The following NFIB variants were observed in gnomAD, a reference collection of about 807,000 sequenced individuals.
The protein encoded by NFIB is nuclear factor 1 B-type.
NFIB carries 11 observed loss-of-function variants against 61.5 expected under a neutral mutation model. The ratio of observed to expected loss-of-function variants is 0.18; its 90% CI spans 0.11 to 0.30. NFIB has a LOEUF of 0.30. Among genes scored for constraint, NFIB ranks in the 10% least tolerant of loss-of-function variants. NFIB has a pLI of 1.00. For missense variants in NFIB, 471 were observed against 608.9 expected (o/e 0.77, Z 2.38); for synonymous variants, 260 against 216.5 (o/e 1.20, Z -1.76).
chr9:14,322,387 T>A (rs535035030), intron 1 of NFIB: 1 of 236,796 alleles, frequency 4.2e-6, no homozygotes, highest in Admixed American at 5.6e-5. Flanking sequence ...GCTCCAGGAG[T>A]GGGGCTGCGC....
intron 1 of NFIB, among the ~76,000 whole-genome samples, chr9:14,320,743 G>A (rs997366421): frequency 2.6e-5 from 4 of 152,128 alleles, no homozygotes; most frequent in African/African-American, 9.7e-5. Flanking sequence ...ACATAAGCAT[G>A]CGTGTGTTAC....
intron 6 of NFIB, among the ~76,000 whole-genome samples, chr9:14,143,896 T>C (rs2042010083): frequency 6.6e-6 from 1 of 152,102 alleles, no homozygotes; most frequent in Admixed American, 6.6e-5. Context: ...AGTACTGTAC[T>C]GCCCGCATTT....
chr9:14,427,934 G>GTTTTTTTTTTTTTTTTTTTTTT, the NFIB span, among the ~76,000 whole-genome samples: 90 of 25,972 alleles, frequency 3.5e-3, 10 homozygotes, highest in Non-Finnish European at 6.2e-3. Flanking sequence ...CTTTAATTCA[G>GTTTTTTTTTTTTTTTTTTTTTT]TTGTTTTTTT....
intron 2 of NFIB, among the ~76,000 whole-genome samples, chr9:14,217,776 G>C (rs1406851959): frequency 6.6e-6 from 1 of 150,916 alleles, no homozygotes; most frequent in Non-Finnish European, 1.5e-5. Flanking sequence ...TCTCATTCAA[G>C]ATATTACTTC....
At chr9:14,259,746 C>CA (rs111280008) in intron 2 of NFIB, among the ~76,000 whole-genome samples, 4,698 of 150,898 alleles carry the variant, frequency 0.031, 255 homozygotes, top group African/African-American at 0.11. Flanking sequence ...ACTAAAAATA[C>CA]AAAAAAAAAT....
intron 1 of NFIB, among the ~76,000 whole-genome samples, chr9:14,338,774 C>T (rs7036460): frequency 0.9 from 136,601 of 151,960 alleles, 63,114 homozygotes; most frequent in Non-Finnish European, 1. Flanking sequence ...TTTCTCTTTC[C>T]TTTATGTTAT....
intron 2 of NFIB, among the ~76,000 whole-genome samples, chr9:14,293,297 C>T (rs769386671): frequency 2.6e-4 from 39 of 152,146 alleles, no homozygotes; most frequent in Non-Finnish European, 5.1e-4. Context: ...GGCACATGGT[C>T]GAAAATGGCT....
chr9:14,171,082 T>C (rs1254302171), intron 3 of NFIB, among the ~76,000 whole-genome samples: 1 of 152,194 alleles, frequency 6.6e-6, no homozygotes, highest in Non-Finnish European at 1.5e-5. Context: ...GAGAGTACTG[T>C]GTTGAAATTA....
intron 2 of NFIB, among the ~76,000 whole-genome samples, chr9:14,277,691 C>T (rs2058093814): frequency 1.3e-5 from 2 of 152,196 alleles, no homozygotes; most frequent in East Asian, 1.9e-4. Context: ...GCAGATAGAC[C>T]TAAAGTAAGG....
intron 3 of NFIB, among the ~76,000 whole-genome samples, chr9:14,158,258 G>A (rs1160557349): frequency 6.6e-6 from 1 of 151,958 alleles, no homozygotes; most frequent in East Asian, 1.9e-4. Context: ...TCTTCCTCCT[G>A]CAGCTCCCTG....
chr9:14,410,028 A>C, the NFIB span, among the ~76,000 whole-genome samples: 1 of 152,118 alleles, frequency 6.6e-6, no homozygotes, highest in Non-Finnish European at 1.5e-5. Context: ...TTTAACAGGA[A>C]TGTCTTTTAT....
the NFIB span, among the ~76,000 whole-genome samples, chr9:14,520,855 G>T: frequency 6.6e-6 from 1 of 152,212 alleles, no homozygotes; most frequent in Non-Finnish European, 1.5e-5. Flanking sequence ...ATGTATAAAT[G>T]ATGGAAGGCC....
Position 14,082,630 on chromosome 9 carries a change from T to G in NFIB, c.*5679A>C. The G allele has an allele frequency of 4.8e-6, 1 of 207,252 alleles. No individual in the cohort carries two copies. The highest frequency in any genetic ancestry group is 9.9e-6 in the Non-Finnish European group (1 of 101,416). 12.8% of individuals were successfully genotyped at this position (207,252 alleles called of 1,614,324 possible). A position where few individuals can be genotyped will look rare whatever the true frequency, so the allele number is the denominator to read the frequency against. ...AGAGACTGTGAAATTGAACAGGCAC[T>G]GCTCATTTGTTTGAGTTTTTTGGTA... On this transcript the variant is annotated 3_prime_UTR_variant, in exon 11 of 11. Transcript: ENST00000380953.
chr9:14,086,789 TTTTTG>T lies in NFIB; in HGVS notation c.*1515_*1519del, dbSNP rs2032932287. The T allele has an allele frequency of 4.8e-6, 1 of 206,520 alleles. No individual in the cohort carries two copies. Among genetic ancestry groups the T allele is most frequent in the Non-Finnish European group, 9.9e-6 (1 of 100,914 alleles). The allele number at this position is 206,520 out of a possible 1,614,324, so 12.8% of individuals were successfully genotyped here. The stretch of plus-strand genomic sequence containing the variant: ...TTTGTTGTATTTTTTTGTTTTTTTT[TTTTTG>T]TTTTTTGTTTTTTAGATTTCAAGGC... On this transcript the variant is annotated 3_prime_UTR_variant, in exon 11 of 11. Coordinates refer to ENST00000380953, the MANE Select transcript of NFIB (RefSeq NM_001190737.2).
At chr9:14,222,434 G>A (rs1587722127) in intron 2 of NFIB, among the ~76,000 whole-genome samples, 1 of 152,088 alleles carries the variant, frequency 6.6e-6, no homozygotes, top group Non-Finnish European at 1.5e-5. Context: ...CAAGCTCCAG[G>A]TAAACTGGTA....
chr9:14,096,107 G>A (rs1018132103), intron 10 of NFIB, among the ~76,000 whole-genome samples: 1 of 152,044 alleles, frequency 6.6e-6, no homozygotes, highest in Non-Finnish European at 1.5e-5. Flanking sequence ...AACCAAAAAG[G>A]TAAGCTAATA....
chr9:14,113,563 GTCTT>G (rs1205394559), intron 9 of NFIB, among the ~76,000 whole-genome samples: 8 of 152,314 alleles, frequency 5.3e-5, no homozygotes, highest in African/African-American at 1.4e-4. Flanking sequence ...GATGGAAAAT[GTCTT>G]TCTTAAAAGT....
At chr9:14,093,978 T>C (rs929708091) in intron 10 of NFIB, among the ~76,000 whole-genome samples, 1 of 152,140 alleles carries the variant, frequency 6.6e-6, no homozygotes, top group Non-Finnish European at 1.5e-5. Flanking sequence ...TTCTACATGC[T>C]TGACCTACCT....
chr9:14,125,574 G>A, intron 7 of NFIB, 58 bp downstream of exon 7: 3 of 1,597,870 alleles, frequency 1.9e-6, no homozygotes, highest in East Asian at 2.2e-5. Context: ...CCGTCCCTAA[G>A]GGGGTTAGGC....
Sources: allele counts gnomAD v4.1 joint callset (sites outside exome capture counted in the v4.1 genomes callset), GRCh38; gene constraint gnomAD v4.1.1; transcripts MANE v1.5; gene names NCBI Gene and HGNC (gene_info 2026-07-23, HGNC 2026-07-21).